The following COLEC12 variants were observed in gnomAD, a reference collection of about 807,000 sequenced individuals.
The protein encoded by COLEC12 is collectin subfamily member 12.
Under a neutral mutation model 71.1 loss-of-function variants are expected in COLEC12, and 33 were observed. The observed-to-expected ratio is 0.46, with a 90% CI of 0.35 to 0.62. The LOEUF is 0.62. Among genes scored for constraint, COLEC12 ranks in the 20% least tolerant of loss-of-function variants. COLEC12 has a pLI of 0.00. For synonymous variants in COLEC12, 350 were observed against 353.0 expected (o/e 0.99, Z 0.10); for missense variants, 765 against 916.1 (o/e 0.84, Z 2.13).
intron 2 of COLEC12, among the ~76,000 whole-genome samples, chr18:441,633 A>G (rs1429532919): frequency 6.6e-6 from 1 of 152,146 alleles, no homozygotes; most frequent in African/African-American, 2.4e-5. Context: ...ATATGCCCCA[A>G]TAAAAATTTA....
At chr18:366,411 G>A (rs895231420) in intron 2 of COLEC12, among the ~76,000 whole-genome samples, 2 of 152,056 alleles carry the variant, frequency 1.3e-5, no homozygotes, top group East Asian at 1.9e-4. Context: ...TCCCTGAAAC[G>A]CTCTTCCCTA....
intron 2 of COLEC12, among the ~76,000 whole-genome samples, chr18:396,429 A>C (rs1411344930): frequency 6.6e-6 from 1 of 152,248 alleles, no homozygotes; most frequent in Non-Finnish European, 1.5e-5. Context: ...TCTACTAGCC[A>C]GGACTTACAC....
chr18:441,238 A>G (rs1476201430), intron 2 of COLEC12, among the ~76,000 whole-genome samples: 2 of 151,686 alleles, frequency 1.3e-5, no homozygotes, highest in East Asian at 1.9e-4. Flanking sequence ...ACAGAGCGAG[A>G]CTCTGTCTCA....
chr18:477,904 C>T (rs1567920358), intron 2 of COLEC12, among the ~76,000 whole-genome samples: 1 of 152,190 alleles, frequency 6.6e-6, no homozygotes, highest in African/African-American at 2.4e-5. Flanking sequence ...TACTATCAAC[C>T]TGCTGCATGG....
chr18:412,454 A>G (rs1915910215), intron 2 of COLEC12, among the ~76,000 whole-genome samples: 1 of 151,526 alleles, frequency 6.6e-6, no homozygotes, highest in Admixed American at 6.6e-5. Context: ...TAATCTGAAA[A>G]ATTAGCTAAA....
chr18:388,841 G>A (rs895781454), intron 2 of COLEC12, among the ~76,000 whole-genome samples: 52 of 152,080 alleles, frequency 3.4e-4, no homozygotes, highest in African/African-American at 1.0e-3. Flanking sequence ...TGGATCTTAG[G>A]GTCTTCCTGC....
At chr18:435,836 A>G (rs1192529509) in intron 2 of COLEC12, among the ~76,000 whole-genome samples, 1 of 152,208 alleles carries the variant, frequency 6.6e-6, no homozygotes, top group Non-Finnish European at 1.5e-5. Context: ...TATTATATTG[A>G]TGGGTCAGCC....
chr18:448,633 G>C (rs1255750711), intron 2 of COLEC12, among the ~76,000 whole-genome samples: 1 of 152,158 alleles, frequency 6.6e-6, no homozygotes, highest in African/African-American at 2.4e-5. Context: ...GTAACTGCTG[G>C]TGGACTTTGA....
At chr18:435,348 G>A (rs1191893082) in intron 2 of COLEC12, among the ~76,000 whole-genome samples, 1 of 152,222 alleles carries the variant, frequency 6.6e-6, no homozygotes, top group Non-Finnish European at 1.5e-5. Flanking sequence ...AGGCAAAGAA[G>A]AGGCAGGCAC....
Position 333,127 on chromosome 18 carries a change from C to T in COLEC12, c.1833G>A (p.Trp611Ter). Reference protein sequence around the residue: ...APEDNGCPPHWKNFTDKCYYF... With the variant: ...APEDNGCPPH Reference sequence around the variant, plus strand: ...AGTAGCATTTGTCTGTGAAGTTCTTCCAGTGAGGCGGGCAGCCTAGGAATG... The same window carrying T: ...AGTAGCATTTGTCTGTGAAGTTCTTTCAGTGAGGCGGGCAGCCTAGGAATG... The change falls in exon 7 of 10, where the codon TGG (tryptophan) becomes TGA (stop). Residue 611 changes from tryptophan (W) to a stop codon, truncating the protein, a stop_gained. Coordinates refer to ENST00000400256, the MANE Select transcript of COLEC12 (RefSeq NM_130386.3). LOFTEE classifies it high-confidence loss of function. 6.2e-7 allele frequency: 1 copy of T among 1,607,074 alleles called. No homozygotes were observed. Among genetic ancestry groups the T allele is most frequent in the Non-Finnish European group, 8.5e-7 (1 of 1,177,916 alleles).
intron 5 of COLEC12, among the ~76,000 whole-genome samples, chr18:339,267 C>A (rs1914190080): frequency 6.6e-6 from 1 of 152,176 alleles, no homozygotes; most frequent in African/African-American, 2.4e-5. Context: ...GCTTTTCATT[C>A]ATCCTATTTC....
In COLEC12 at chr18:347,077, T is replaced by A. The variant is rs1914397134; in HGVS notation, c.545A>T (p.Gln182Leu). 1.2e-6 allele frequency: 2 copies of A among 1,614,204 alleles called. No individual in the cohort carries two copies. The highest frequency in any genetic ancestry group is 1.7e-6 in the Non-Finnish European group (2 of 1,180,034). ...QAYNGYVTNLQQDTSVLQGNL... is the reference protein window; with the variant it reads ...QAYNGYVTNLLQDTSVLQGNL... ...GCCCTGGAGCACGCTGGTATCTTGC[T>A]GCAGATTCGTGACATAGCCATTATA... Residue 182 changes from glutamine to leucine, a missense_variant, in exon 5 of 10, where the codon CAG becomes CTG. Gln to Leu is a moderately radical substitution (Grantham distance 113). Coordinates refer to ENST00000400256, the MANE Select transcript of COLEC12 (RefSeq NM_130386.3).
intron 2 of COLEC12, among the ~76,000 whole-genome samples, chr18:391,432 T>C (rs1336591064): frequency 2.0e-5 from 3 of 152,220 alleles, no homozygotes; most frequent in Non-Finnish European, 2.9e-5. Flanking sequence ...CGAATACACA[T>C]GTGTTGTGGT....
chr18:379,694 CT>C (rs1915190275), intron 2 of COLEC12, among the ~76,000 whole-genome samples: 3 of 152,130 alleles, frequency 2.0e-5, no homozygotes. Context: ...GTAAAGTGGT[CT>C]GCTCCCACAG....
intron 2 of COLEC12, among the ~76,000 whole-genome samples, chr18:437,555 C>A (rs1916431538): frequency 6.6e-6 from 1 of 152,126 alleles, no homozygotes; most frequent in South Asian, 2.1e-4. Flanking sequence ...TTGCAGTCAT[C>A]TGCTCAGCTG....
chr18:431,062 G>C (rs1916293100), intron 2 of COLEC12, among the ~76,000 whole-genome samples: 2 of 151,778 alleles, frequency 1.3e-5, no homozygotes, highest in Non-Finnish European at 2.9e-5. Context: ...GTATGATCAA[G>C]GCTCACCACA....
chr18:397,807 A>C (rs1915601978), intron 2 of COLEC12, among the ~76,000 whole-genome samples: 1 of 152,162 alleles, frequency 6.6e-6, no homozygotes, highest in Non-Finnish European at 1.5e-5. Context: ...GAATTTGAGA[A>C]CTTGTAGAAA....
At chr18:470,401 T>G (rs925363916) in intron 2 of COLEC12, among the ~76,000 whole-genome samples, 8 of 151,516 alleles carry the variant, frequency 5.3e-5, no homozygotes, top group Non-Finnish European at 7.4e-5. Flanking sequence ...CCGGCTAATT[T>G]TTTTTTTGTT....
intron 2 of COLEC12, among the ~76,000 whole-genome samples, chr18:417,953 T>C (rs1349770552): frequency 6.6e-6 from 1 of 152,134 alleles, no homozygotes; most frequent in Non-Finnish European, 1.5e-5. Context: ...TTTTTGTCCC[T>C]GAGGAGGATG....
Sources: allele counts gnomAD v4.1 joint callset (sites outside exome capture counted in the v4.1 genomes callset), GRCh38; gene constraint gnomAD v4.1.1; transcripts MANE v1.5; gene names NCBI Gene and HGNC (gene_info 2026-07-23, HGNC 2026-07-21).